MAP4: variants seen among roughly 807,000 people sequenced by gnomAD.
MAP4 encodes the protein microtubule associated protein 4, also known as microtubule-associated protein 4.
In MAP4, 76 loss-of-function variants were observed where a neutral mutation model predicts 170.2. The ratio of observed to expected loss-of-function variants is 0.45; its 90% confidence interval spans 0.37 to 0.54. The LOEUF (loss-of-function observed/expected upper bound fraction) is 0.54. Ranked by LOEUF, MAP4 falls within the 20% of genes least tolerant of loss-of-function variation. The pLI is 0.00. For synonymous variants in MAP4, 909 were observed against 994.5 expected, an observed-to-expected ratio of 0.91 and a Z score of 1.62; for missense variants, 2,506 against 2,748.0, an observed-to-expected ratio of 0.91 and a Z score of 1.97.
chr3:48,009,302 T>C (rs1003135229), intron 1 of MAP4, among the ~76,000 whole-genome samples: 1 of 152,162 alleles, frequency 6.6e-6, no homozygotes, highest in African/African-American at 2.4e-5. Context: ...GGTTTCACCA[T>C]GTTGGCCAGG....
At chr3:47,956,545 T>G (rs373958067) in intron 3 of MAP4, among the ~76,000 whole-genome samples, 6 of 152,330 alleles carry the variant, frequency 3.9e-5, no homozygotes, top group African/African-American at 1.2e-4. Context: ...TTATACTCAT[T>G]TATGAACAAT....
chr3:47,909,141 T>C lies in MAP4; in HGVS notation c.5280A>G (p.Pro1760=). 1 of 1,612,314 alleles carries C rather than the reference T, an allele frequency of 6.2e-7. No individual in the cohort carries two copies. Residue 1760 remains proline, a synonymous_variant, in exon 9 of 21, where the codon CCA becomes CCG. Transcript: ENST00000683076. ...KKEDKSRMAE[P]MKGYMRPTKS... The stretch of plus-strand genomic sequence containing the variant: ...TGGTGGGTCTCATGTAGCCTTTCAT[T>C]GGTTCTGCCATTCTGCTTTTATCTT...
At chr3:48,014,107 G>A (rs2100106656) in intron 1 of MAP4, among the ~76,000 whole-genome samples, 1 of 152,194 alleles carries the variant, frequency 6.6e-6, no homozygotes, top group Non-Finnish European at 1.5e-5. Context: ...GATATATGAT[G>A]AGGCCACAGT....
At position 47,998,750 on chromosome 3, in the gene MAP4, A is replaced by G. The variant is rs148194575; in HGVS notation, c.111T>C (p.Val37=). Residue 37 remains valine (V), a synonymous_variant, in exon 2 of 21, where the codon GTT becomes GTC. Coordinates refer to ENST00000683076, the MANE Select transcript of MAP4 (RefSeq NM_001385682.1). Reference sequence around the variant, plus strand: ...CTGTTTTTCCAACAGTTTCTCCCACAACATCATCAAAGGCCTCTGCCTCTA... The same window carrying G: ...CTGTTTTTCCAACAGTTTCTCCCACGACATCATCAAAGGCCTCTGCCTCTA... ...ATLEAEAFDD[V]VGETVGKTDY... 5.2e-4 allele frequency: 836 copies of G among 1,614,028 alleles called. 7 individuals are homozygous for G. The African/African-American group carries it at 7.9e-3, about 15-fold the overall frequency.
intron 1 of MAP4, among the ~76,000 whole-genome samples, chr3:48,081,676 A>G (rs1272875602): frequency 6.6e-6 from 1 of 152,184 alleles, no homozygotes; most frequent in Non-Finnish European, 1.5e-5. Context: ...TCATGTTTAT[A>G]TTTATATACA....
At chr3:48,050,734 A>G (rs991950515) in intron 1 of MAP4, among the ~76,000 whole-genome samples, 1 of 151,802 alleles carries the variant, frequency 6.6e-6, no homozygotes, top group Non-Finnish European at 1.5e-5. Flanking sequence ...GGTGAAATCC[A>G]TCTCTACTGA....
intron 1 of MAP4, among the ~76,000 whole-genome samples, chr3:48,056,768 AG>A (rs2100132068): frequency 1.8e-5 from 1 of 56,496 alleles, no homozygotes; most frequent in Non-Finnish European, 3.3e-5. Flanking sequence ...CTGCCCGGCC[AG>A]CCGCCCCGTC....
chr3:47,858,586 G>GGTGTGTGTGTGTGTGTGT (rs59208724), intron 17 of MAP4, among the ~76,000 whole-genome samples: 4 of 145,280 alleles, frequency 2.8e-5, no homozygotes, highest in African/African-American at 1.0e-4. Flanking sequence ...GTGAGGGGGT[G>GGTGTGTGTGTGTGTGTGT]GTGTGTGTGT....
chr3:48,035,942 C>A (rs139122945), intron 1 of MAP4, among the ~76,000 whole-genome samples: 5 of 151,748 alleles, frequency 3.3e-5, no homozygotes, highest in African/African-American at 7.3e-5. Context: ...TCCATCCCCC[C>A]CTCTCAAAAA....
chr3:48,044,959 A>AT (rs1333471032), intron 1 of MAP4, among the ~76,000 whole-genome samples: 25 of 145,602 alleles, frequency 1.7e-4, no homozygotes, highest in Non-Finnish European at 2.7e-4. Context: ...AAAAAAAAGA[A>AT]TTTTTTTTTT....
Position 48,007,243 on chromosome 3 carries a change from G to A in MAP4, c.-19-8364C>T, listed in dbSNP as rs114681601. ...TAAAATTCAGGGACCTTCTGTCTCA[G>A]TAAAATTTCTAGGGATCTAGTGTTG... On this transcript the variant is annotated intron_variant, in intron 1 of 20. Coordinates refer to ENST00000683076, the MANE Select transcript of MAP4 (RefSeq NM_001385682.1). 4.0e-3 allele frequency among the ~76,000 whole-genome samples: 610 copies of A among 152,320 alleles called. 6 individuals carry two copies. The highest frequency in any genetic ancestry group is 0.014 in the African/African-American group (591 of 41,566).
chr3:47,852,578 A>G lies in MAP4; in HGVS notation c.*356T>C, dbSNP rs2044632770. On this transcript the variant is annotated 3_prime_UTR_variant, in exon 21 of 21. Coordinates refer to ENST00000683076, the MANE Select transcript of MAP4 (RefSeq NM_001385682.1). ...GGATAGAATCTGGTTCTCCTCTCCT[A>G]GATCCCAACTTAGCCTCAACCACCC... 9.8e-6 allele frequency: 6 copies of G among 609,400 alleles called. No individual in the cohort carries two copies. In the South Asian group the frequency reaches 1.4e-4, roughly 14 times the overall value. 37.7% of individuals were successfully genotyped at this position (609,400 alleles called of 1,614,324 possible). A position where few individuals can be genotyped will look rare whatever the true frequency, so the allele number is the denominator to read the frequency against.
At chr3:47,859,897 C>CCACTGT (rs1286055691) in intron 17 of MAP4, among the ~76,000 whole-genome samples, 28 of 152,322 alleles carry the variant, frequency 1.8e-4, no homozygotes, top group African/African-American at 5.8e-4. Context: ...GCTGATGACA[C>CCACTGT]CACTGTAAGT....
chr3:47,995,250 C>CTTTTT (rs67017707), intron 2 of MAP4, among the ~76,000 whole-genome samples: 11 of 112,220 alleles, frequency 9.8e-5, no homozygotes, highest in African/African-American at 2.2e-4. Flanking sequence ...TTTTTCTTTT[C>CTTTTT]TTTTTTTTTT....
chr3:47,886,045 G>A (rs2097543638), intron 10 of MAP4, among the ~76,000 whole-genome samples: 3 of 152,188 alleles, frequency 2.0e-5, no homozygotes, highest in South Asian at 4.1e-4. Context: ...TTGTTCTACA[G>A]CAAGCTCAAA....
chr3:47,993,656 A>G (rs1440764917), intron 2 of MAP4, among the ~76,000 whole-genome samples: 2 of 152,376 alleles, frequency 1.3e-5, no homozygotes, highest in African/African-American at 4.8e-5. Flanking sequence ...GAATTGTAAC[A>G]GGAGATGAAA....
chr3:48,039,669 G>GT lies in MAP4; in HGVS notation c.-19-40791dup, dbSNP rs2100120632. On this transcript the variant is annotated intron_variant, in intron 1 of 18. Coordinates refer to the MAP4 transcript ENST00000360240. ...AATCTGGGTAGGAGTCCAGAAATCT[G>GT]TATTTTAAAGCAGTCCAAATGGTTC... Among the ~76,000 whole-genome samples the GT allele has an allele frequency of 2.6e-5, 4 of 152,224 alleles. No homozygotes were observed. In the South Asian group the frequency reaches 8.3e-4, roughly 32 times the overall value.
At chr3:47,858,651 T>C (rs2060743674) in intron 17 of MAP4, among the ~76,000 whole-genome samples, 1 of 149,834 alleles carries the variant, frequency 6.7e-6, no homozygotes, top group South Asian at 2.1e-4. Context: ...TGTGTAATCA[T>C]AGTATTCCTG....
At chr3:47,941,475 G>T (rs2154008505) in intron 3 of MAP4, among the ~76,000 whole-genome samples, 1 of 151,738 alleles carries the variant, frequency 6.6e-6, no homozygotes, top group East Asian at 1.9e-4. Context: ...ACATTAAAAA[G>T]ATTTTTAAAA....
Sources: allele counts gnomAD v4.1 joint callset (sites outside exome capture counted in the v4.1 genomes callset), GRCh38; gene constraint gnomAD v4.1.1; transcripts MANE v1.5; gene names NCBI Gene and HGNC (gene_info 2026-07-23, HGNC 2026-07-21).